DMRT1: variants seen among roughly 807,000 people sequenced by gnomAD.
DMRT1 encodes doublesex- and mab-3-related transcription factor 1.
In DMRT1, 7 loss-of-function variants were observed where a neutral mutation model predicts 32.3. The ratio of observed to expected loss-of-function variants is 0.22; its 90% CI spans 0.12 to 0.41. The LOEUF is 0.41. Among genes scored for constraint, DMRT1 ranks in the 10% least tolerant of loss-of-function variants. DMRT1 has a pLI of 1.00. For missense variants in DMRT1, 625 were observed against 500.5 expected, an observed-to-expected ratio of 1.25 and a Z score of -2.37; for synonymous variants, 278 against 206.1, an observed-to-expected ratio of 1.35 and a Z score of -2.99.
intron 4 of DMRT1, among the ~76,000 whole-genome samples, chr9:952,584 C>T (rs1819463530): frequency 6.6e-6 from 1 of 152,118 alleles, no homozygotes; most frequent in Admixed American, 6.6e-5. Context: ...CTGAAATTAG[C>T]AGATTACTTA....
chr9:869,818 C>T (rs1589475738), intron 2 of DMRT1, among the ~76,000 whole-genome samples: 2 of 152,064 alleles, frequency 1.3e-5, no homozygotes, highest in East Asian at 3.9e-4. Flanking sequence ...CTCTTCTCCC[C>T]ATTTGGTTTA....
intron 4 of DMRT1, among the ~76,000 whole-genome samples, chr9:944,218 CT>C (rs1819169353): frequency 6.6e-6 from 1 of 152,210 alleles, no homozygotes; most frequent in African/African-American, 2.4e-5. Flanking sequence ...TTTGTAGTTA[CT>C]ACCTTTATTG....
At chr9:916,314 G>A (rs535169670) in intron 3 of DMRT1, among the ~76,000 whole-genome samples, 2 of 152,212 alleles carry the variant, frequency 1.3e-5, no homozygotes, top group South Asian at 4.2e-4. Flanking sequence ...CAGTACATTG[G>A]AAGAGCATAT....
intron 4 of DMRT1, among the ~76,000 whole-genome samples, chr9:917,320 C>T (rs1025165191): frequency 2.0e-5 from 3 of 151,938 alleles, no homozygotes; most frequent in Non-Finnish European, 4.4e-5. Context: ...ATCTTTTTGG[C>T]GAAAACAACA....
At chr9:863,335 A>C (rs1815811778) in intron 2 of DMRT1, among the ~76,000 whole-genome samples, 1 of 150,770 alleles carries the variant, frequency 6.6e-6, no homozygotes, top group Non-Finnish European at 1.5e-5. Context: ...AAAAAAAAAA[A>C]AAGGGCAGGG....
intron 4 of DMRT1, among the ~76,000 whole-genome samples, chr9:922,652 T>G (rs894062643): frequency 6.6e-6 from 1 of 152,246 alleles, no homozygotes; most frequent in Non-Finnish European, 1.5e-5. Context: ...TGTCTGTTTA[T>G]TTTGTGATCT....
At chr9:906,440 A>G (rs1817781003) in intron 3 of DMRT1, among the ~76,000 whole-genome samples, 1 of 152,220 alleles carries the variant, frequency 6.6e-6, no homozygotes. Context: ...TTCTTACAGC[A>G]GCTAATCCAA....
At chr9:957,728 A>T (rs1819643402) in intron 4 of DMRT1, among the ~76,000 whole-genome samples, 1 of 152,156 alleles carries the variant, frequency 6.6e-6, no homozygotes, top group African/African-American at 2.4e-5. Flanking sequence ...GAAAATATTG[A>T]GCTGAGGGCA....
intron 4 of DMRT1, among the ~76,000 whole-genome samples, chr9:959,191 C>G (rs570912748): frequency 6.6e-6 from 1 of 151,820 alleles, no homozygotes; most frequent in South Asian, 2.1e-4. Context: ...AGCCTGCCTT[C>G]GTTACTGAGA....
intron 2 of DMRT1, among the ~76,000 whole-genome samples, chr9:871,953 A>G (rs1201175086): frequency 2.0e-5 from 3 of 151,308 alleles, no homozygotes; most frequent in African/African-American, 4.9e-5. Context: ...CTCTCTATAT[A>G]CCTATTTACA....
rs188566489 is a variant in DMRT1, at chr9:894,145, C to T, written c.772C>T (p.Arg258Trp). The change falls in exon 3 of 5, where the codon CGG becomes TGG. Residue 258 changes from arginine (R) to tryptophan (W), a missense_variant. By Grantham distance (101) the Arg-to-Trp change is moderately radical. Transcript: ENST00000382276. ...LGGSPVKNSL[R>W]GLPGPYVPGQ... Reference sequence around the variant, plus strand: ...GGGATCCCCTGTGAAGAACAGCCTTCGGGGCCTCCCCGGACCTTATGTGCC... The same window carrying T: ...GGGATCCCCTGTGAAGAACAGCCTTTGGGGCCTCCCCGGACCTTATGTGCC... 16 of 1,614,128 alleles carry T rather than the reference C, an allele frequency of 9.9e-6. No individual in the cohort carries two copies. Among genetic ancestry groups the T allele is most frequent in the East Asian group, 2.2e-5 (1 of 44,870 alleles).
At chr9:946,494 C>T (rs1343702230) in intron 4 of DMRT1, among the ~76,000 whole-genome samples, 3 of 152,122 alleles carry the variant, frequency 2.0e-5, no homozygotes, top group Non-Finnish European at 4.4e-5. Context: ...CCTCCCTCTG[C>T]AAGAAAAGTA....
chr9:900,687 T>A (rs988245810), intron 3 of DMRT1, among the ~76,000 whole-genome samples: 4 of 141,380 alleles, frequency 2.8e-5, no homozygotes, highest in African/African-American at 1.0e-4. Flanking sequence ...ATCTACTTAA[T>A]TTTTTTTTTT....
rs148106721 is a variant in DMRT1 at position 937,360 on chromosome 9, C to T, written c.967+20453C>T. Among the ~76,000 whole-genome samples, 50 of 152,304 alleles carry T rather than the reference C, an allele frequency of 3.3e-4. No homozygotes were observed. The East Asian group carries it at 8.9e-3, about 27-fold the overall frequency. ...GCTTTCAGTTCTTCTGGATATATAT[C>T]TAGAAGTAGAATTGCTGCGTTAAAT... is the stretch of plus-strand genomic sequence containing the variant. On this transcript the variant is annotated intron_variant, in intron 4 of 4. Coordinates refer to ENST00000382276, the MANE Select transcript of DMRT1 (RefSeq NM_021951.3).
chr9:928,575 AG>A (rs2129842778), intron 4 of DMRT1, among the ~76,000 whole-genome samples: 1 of 152,304 alleles, frequency 6.6e-6, no homozygotes, highest in African/African-American at 2.4e-5. Flanking sequence ...CTTGACCTCT[AG>A]GGGCAGTAGA....
intron 3 of DMRT1, among the ~76,000 whole-genome samples, chr9:895,511 C>T (rs1010924075): frequency 2.0e-5 from 3 of 152,166 alleles, no homozygotes; most frequent in African/African-American, 7.2e-5. Flanking sequence ...GTGTTTGACC[C>T]TCTTTTTCAC....
intron 2 of DMRT1, among the ~76,000 whole-genome samples, chr9:880,301 G>C (rs943360707): frequency 6.6e-6 from 1 of 152,110 alleles, no homozygotes; most frequent in African/African-American, 2.4e-5. Flanking sequence ...TGTACTCTGA[G>C]GTACAGATTT....
intron 2 of DMRT1, among the ~76,000 whole-genome samples, chr9:868,252 T>TA (rs1816077300): frequency 1.3e-5 from 2 of 152,328 alleles, no homozygotes; most frequent in African/African-American, 4.8e-5. Context: ...GTGCTGGGAT[T>TA]ACAGGCGTGA....
rs1001348906 is a variant in DMRT1 at position 928,130 on chromosome 9, A to G, written c.967+11223A>G. Among the ~76,000 whole-genome samples, 13 of 152,186 alleles carry G rather than the reference A, an allele frequency of 8.5e-5. 1 individual carries two copies. Among genetic ancestry groups the G allele is most frequent in the African/African-American group, 2.7e-4 (11 of 41,450 alleles). On this transcript the variant is annotated intron_variant, in intron 4 of 4. Coordinates refer to ENST00000382276, the MANE Select transcript of DMRT1 (RefSeq NM_021951.3). ...AGAGATTGATGGTGTTTTAGCTTAAATCTGCAAAATAAAAGAGCACACTGA... is the reference window on the plus strand; with the variant it reads ...AGAGATTGATGGTGTTTTAGCTTAAGTCTGCAAAATAAAAGAGCACACTGA...
Sources: allele counts gnomAD v4.1 joint callset (sites outside exome capture counted in the v4.1 genomes callset), GRCh38; gene constraint gnomAD v4.1.1; transcripts MANE v1.5; gene names NCBI Gene and HGNC (gene_info 2026-07-23, HGNC 2026-07-21).